The following MBD5 variants were observed in gnomAD, a reference collection of about 807,000 sequenced individuals.
MBD5 encodes methyl-CpG-binding domain protein 5.
Under a neutral mutation model 117.3 loss-of-function variants are expected in MBD5, and 13 were observed. The observed-to-expected ratio is 0.11, with a 90% CI of 0.07 to 0.18. The LOEUF is 0.18. Among genes scored for constraint, MBD5 ranks in the 10% least tolerant of loss-of-function variants. The pLI is 1.00. For missense variants in MBD5, 1,879 were observed against 2,093.8 expected (o/e 0.90, Z 2.00); for synonymous variants, 727 against 766.4 (o/e 0.95, Z 0.85).
At chr2:148,318,152 C>T (rs940285915) in intron 3 of MBD5, among the ~76,000 whole-genome samples, 5 of 152,154 alleles carry the variant, frequency 3.3e-5, no homozygotes, top group African/African-American at 1.2e-4. Context: ...GCCCTTCTGA[C>T]TGGTGTAAGA....
chr2:148,338,174 TA>T (rs1702845791), intron 3 of MBD5, among the ~76,000 whole-genome samples: 1 of 152,194 alleles, frequency 6.6e-6, no homozygotes, highest in Admixed American at 6.5e-5. Context: ...TCTAAAGGAA[TA>T]AATTACCTGA....
At chr2:148,163,437 T>C (rs1698055581) in intron 1 of MBD5, among the ~76,000 whole-genome samples, 2 of 152,282 alleles carry the variant, frequency 1.3e-5, no homozygotes, top group South Asian at 2.1e-4. Context: ...TTTTTTTTTT[T>C]CAAGACGGAG....
intron 2 of MBD5, among the ~76,000 whole-genome samples, chr2:148,185,334 G>A (rs111764677): frequency 6.6e-6 from 1 of 152,054 alleles, no homozygotes; most frequent in African/African-American, 2.4e-5. Flanking sequence ...ATTTCCTATA[G>A]GAGTTGGTCT....
chr2:148,243,365 C>G (rs1055098620), intron 3 of MBD5, among the ~76,000 whole-genome samples: 1 of 152,016 alleles, frequency 6.6e-6, no homozygotes, highest in Non-Finnish European at 1.5e-5. Flanking sequence ...ATCTTTTTAT[C>G]TCTATGCAAT....
At chr2:148,035,101 C>G (rs1694153951) in intron 1 of MBD5, among the ~76,000 whole-genome samples, 3 of 151,910 alleles carry the variant, frequency 2.0e-5, no homozygotes, top group Admixed American at 2.0e-4. Context: ...TGGACATTCA[C>G]TAAATTTTTT....
intron 1 of MBD5, among the ~76,000 whole-genome samples, chr2:148,085,450 C>T (rs1055672322): frequency 4.6e-5 from 7 of 152,102 alleles, no homozygotes; most frequent in Non-Finnish European, 7.4e-5. Context: ...AGCGGCCGGG[C>T]GCGGTGGCTC....
intron 1 of MBD5, among the ~76,000 whole-genome samples, chr2:148,143,988 A>C (rs1335825396): frequency 6.6e-6 from 1 of 152,178 alleles, no homozygotes; most frequent in Non-Finnish European, 1.5e-5. Context: ...TGGCTGGGTC[A>C]AATGGTATTT....
At chr2:148,325,271 A>G (rs1702413225) in intron 3 of MBD5, among the ~76,000 whole-genome samples, 2 of 152,196 alleles carry the variant, frequency 1.3e-5, no homozygotes, top group African/African-American at 4.8e-5. Flanking sequence ...ATCAATGTTC[A>G]TCAAAGATAT....
intron 4 of MBD5, among the ~76,000 whole-genome samples, chr2:148,439,760 G>GATGCAGTT (rs1253029459): frequency 7.3e-6 from 1 of 136,070 alleles, no homozygotes; most frequent in Non-Finnish European, 1.5e-5. Context: ...TTTTTTTAGA[G>GATGCAGTT]ATGCAGTTTA....
intron 4 of MBD5, among the ~76,000 whole-genome samples, chr2:148,415,952 C>T (rs1016254028): frequency 1.3e-5 from 2 of 152,098 alleles, no homozygotes; most frequent in Admixed American, 6.6e-5. Context: ...ATTCTGAGCT[C>T]TATTTCTGTC....
intron 1 of MBD5, among the ~76,000 whole-genome samples, chr2:148,050,937 G>T (rs1694682443): frequency 6.6e-6 from 1 of 152,032 alleles, no homozygotes. Context: ...AAATCAGCTT[G>T]TCCCTTTCTG....
At chr2:148,339,396 T>C (rs1702882371) in intron 3 of MBD5, among the ~76,000 whole-genome samples, 1 of 152,116 alleles carries the variant, frequency 6.6e-6, no homozygotes. Flanking sequence ...CTCAAGTCCT[T>C]CAAGTTTCTC....
intron 2 of MBD5, chr2:148,220,006 G>A (rs1448174419): frequency 6.6e-6 from 1 of 152,150 alleles, no homozygotes; most frequent in East Asian, 1.9e-4. Context: ...GTGGATGAAT[G>A]GAGGATGGAT....
chr2:148,090,415 T>C (rs1695907503), intron 1 of MBD5, among the ~76,000 whole-genome samples: 1 of 151,944 alleles, frequency 6.6e-6, no homozygotes, highest in Non-Finnish European at 1.5e-5. Context: ...CCAATATCTG[T>C]AATGAACATA....
chr2:148,028,786 TTAAA>T (rs1198047813), intron 1 of MBD5: 2 of 152,118 alleles, frequency 1.3e-5, no homozygotes, highest in Non-Finnish European at 2.9e-5. Context: ...TTAATGAGTA[TTAAA>T]TAACATAAAA....
At chr2:148,053,910 C>CTTTTTTTTTTTTTTTT (rs35830585) in intron 1 of MBD5, 1 of 136,668 alleles carries the variant, frequency 7.3e-6, no homozygotes, top group African/African-American at 2.7e-5. Context: ...TTCTTTTTTT[C>CTTTTTTTTTTTTTTTT]TTTTTTTTTT....
intron 1 of MBD5, among the ~76,000 whole-genome samples, chr2:148,085,325 C>G (rs1195071152): frequency 1.3e-5 from 2 of 152,222 alleles, no homozygotes; most frequent in African/African-American, 4.8e-5. Flanking sequence ...ATGTCATTTT[C>G]TAACATCCAA....
At chr2:148,037,704 T>A (rs1182224806) in intron 1 of MBD5, among the ~76,000 whole-genome samples, 2 of 151,960 alleles carry the variant, frequency 1.3e-5, no homozygotes. Flanking sequence ...TTACAGAAAG[T>A]CCCAGGACTT....
intron 4 of MBD5, chr2:148,346,714 G>C (rs1703132150): frequency 6.6e-6 from 1 of 151,666 alleles, no homozygotes. Flanking sequence ...ATCATATTAA[G>C]AATATTAAAT....
Sources: allele counts gnomAD v4.1 joint callset (sites outside exome capture counted in the v4.1 genomes callset), GRCh38; gene constraint gnomAD v4.1.1; transcripts MANE v1.5; gene names NCBI Gene and HGNC (gene_info 2026-07-23, HGNC 2026-07-21).